Variants in ADGRB3 observed in about 807,000 individuals in gnomAD.
ADGRB3 encodes brain-specific angiogenesis inhibitor 3.
ADGRB3 carries 37 observed loss-of-function variants against 193.4 expected under a neutral mutation model. That is an observed-to-expected ratio of 0.19 (90% CI 0.15 to 0.25). The LOEUF is 0.25. ADGRB3 is among the 10% of genes least tolerant of loss of function. The pLI, the probability that ADGRB3 is intolerant of heterozygous loss-of-function variation, is 1.00. For synonymous variants in ADGRB3, 690 were observed against 644.2 expected (o/e 1.07, Z -1.08); for missense variants, 1,637 against 1,852.9 (o/e 0.88, Z 2.14).
At chr6:69,227,273 A>G (rs1334301218) in intron 17 of ADGRB3, among the ~76,000 whole-genome samples, 2 of 152,160 alleles carry the variant, frequency 1.3e-5, no homozygotes, top group Non-Finnish European at 2.9e-5. Context: ...GTGTTAGGAG[A>G]TGAATGTGGG....
chr6:68,881,544 C>T (rs975632333), intron 3 of ADGRB3, among the ~76,000 whole-genome samples: 3 of 152,102 alleles, frequency 2.0e-5, no homozygotes, highest in African/African-American at 7.2e-5. Flanking sequence ...TGTAGTTTTG[C>T]ATTTAGTAAG....
At chr6:69,007,666 A>ATC (rs754438943) in intron 11 of ADGRB3, among the ~76,000 whole-genome samples, 5,914 of 140,380 alleles carry the variant, frequency 0.042, 149 homozygotes, top group African/African-American at 0.073. Flanking sequence ...ATCTAAAGTA[A>ATC]TCTCTCTCTC....
intron 3 of ADGRB3, among the ~76,000 whole-genome samples, chr6:68,699,542 CA>C (rs1324658383): frequency 6.6e-6 from 1 of 151,900 alleles, no homozygotes; most frequent in Non-Finnish European, 1.5e-5. Flanking sequence ...TGATTGATTA[CA>C]TTTATTTCTA....
chr6:69,184,157 G>C (rs114166975), intron 17 of ADGRB3, among the ~76,000 whole-genome samples: 338 of 152,088 alleles, frequency 2.2e-3, no homozygotes, highest in African/African-American at 7.7e-3. Flanking sequence ...CCTTCATCTC[G>C]TCATAGCTGT....
chr6:69,101,835 A>G lies in ADGRB3; in HGVS notation c.2480+25797A>G, dbSNP rs552852271. 2.0e-5 allele frequency among the ~76,000 whole-genome samples: 3 copies of G among 152,226 alleles called. No individual in the cohort carries two copies. In the South Asian group the frequency reaches 6.2e-4, roughly 32 times the overall value. The stretch of plus-strand genomic sequence containing the variant: ...CCAATACCACTAAGCTGGTAAGGGT[A>G]GAATAGGATTTGAACTCAAACAGTC... On this transcript the variant is annotated intron_variant, in intron 17 of 31. Coordinates refer to ENST00000370598, the MANE Select transcript of ADGRB3 (RefSeq NM_001704.3).
chr6:68,760,218 A>G (rs571068715), intron 3 of ADGRB3, among the ~76,000 whole-genome samples: 2 of 152,288 alleles, frequency 1.3e-5, no homozygotes, highest in African/African-American at 4.8e-5. Flanking sequence ...GGAGGTAAAC[A>G]TTTAGAATGT....
rs1032567228 is a variant in ADGRB3, at chr6:69,112,775, T to C, written c.2480+36737T>C. ...TAATCCAGAGATAATTTTTTTTTTT[T>C]GAGATGGAGTCTTGCATCATTGCCC... On this transcript the variant is annotated intron_variant, in intron 17 of 31. Coordinates refer to ENST00000370598, the MANE Select transcript of ADGRB3 (RefSeq NM_001704.3). 6.6e-5 allele frequency among the ~76,000 whole-genome samples: 10 copies of C among 150,630 alleles called. No individual in the cohort carries two copies. In the East Asian group the frequency reaches 1.8e-3, roughly 28 times the overall value.
intron 16 of ADGRB3, among the ~76,000 whole-genome samples, chr6:69,066,093 C>T (rs995553307): frequency 3.3e-5 from 5 of 151,454 alleles, no homozygotes; most frequent in African/African-American, 1.2e-4. Context: ...GTTCTGGAAC[C>T]AACCCCCTGT....
intron 17 of ADGRB3, among the ~76,000 whole-genome samples, chr6:69,185,536 AT>A (rs1489423111): frequency 6.6e-6 from 1 of 152,148 alleles, no homozygotes; most frequent in African/African-American, 2.4e-5. Context: ...TTCTGTTTTC[AT>A]TTTATCTACC....
At chr6:69,259,738 G>C (rs1048984634) in intron 20 of ADGRB3, among the ~76,000 whole-genome samples, 1 of 149,610 alleles carries the variant, frequency 6.7e-6, no homozygotes, top group African/African-American at 2.5e-5. Flanking sequence ...GAAAATGTTT[G>C]TGGTTTTTCC....
rs996759152 is a variant in ADGRB3, at chr6:68,782,307, A to C, written c.757+142875A>C. Among the ~76,000 whole-genome samples the C allele has an allele frequency of 9.9e-5, 15 of 151,730 alleles. No individual in the cohort carries two copies. In the East Asian group the frequency reaches 2.1e-3, roughly 22 times the overall value. The stretch of plus-strand genomic sequence containing the variant: ...TCCCTACAAAGGACATGAACTCATC[A>C]TTTTTTATGGCTGCATAGTATTCCA... On this transcript the variant is annotated intron_variant, in intron 3 of 31. Transcript: ENST00000370598.
At chr6:68,711,998 T>A (rs1765416013) in intron 3 of ADGRB3, among the ~76,000 whole-genome samples, 1 of 152,064 alleles carries the variant, frequency 6.6e-6, no homozygotes, top group Non-Finnish European at 1.5e-5. Context: ...ATCTTAAGGA[T>A]TCTGTCTGTT....
chr6:69,355,598 T>C (rs987383873), intron 27 of ADGRB3, among the ~76,000 whole-genome samples: 4 of 152,208 alleles, frequency 2.6e-5, no homozygotes, highest in African/African-American at 9.6e-5. Flanking sequence ...TATTATCTTA[T>C]TAAAATTGTG....
chr6:69,367,828 A>C lies in ADGRB3; in HGVS notation c.4240-4578A>C, dbSNP rs58608981. 3.3e-3 allele frequency among the ~76,000 whole-genome samples: 507 copies of C among 152,162 alleles called. 2 individuals are homozygous for C. The highest frequency in any genetic ancestry group is 0.011 in the African/African-American group (475 of 41,532). On this transcript the variant is annotated intron_variant, in intron 29 of 31. Coordinates refer to ENST00000370598, the MANE Select transcript of ADGRB3 (RefSeq NM_001704.3). ...TACTATGAGGCCATAAAAAATGATG[A>C]ATTCATGTCCTTTGTAGGGACATGG...
chr6:69,335,556 T>C (rs755341514), intron 24 of ADGRB3, among the ~76,000 whole-genome samples: 14 of 152,140 alleles, frequency 9.2e-5, no homozygotes, highest in Non-Finnish European at 1.9e-4. Flanking sequence ...CAAATATAGA[T>C]TGAAATTTGT....
chr6:69,146,952 G>T (rs550106548), intron 17 of ADGRB3, among the ~76,000 whole-genome samples: 1 of 150,186 alleles, frequency 6.7e-6, no homozygotes, highest in Non-Finnish European at 1.5e-5. Context: ...TATAGTTGCC[G>T]ACAGTAGCCT....
At chr6:69,060,220 T>TTCTC (rs556453350) in intron 15 of ADGRB3, among the ~76,000 whole-genome samples, 2,982 of 129,564 alleles carry the variant, frequency 0.023, 46 homozygotes, top group Middle Eastern at 0.03. Flanking sequence ...CTCTCTCTCT[T>TTCTC]TCTCTCTCTC....
chr6:69,374,161 G>A (rs1769764502), intron 30 of ADGRB3, among the ~76,000 whole-genome samples: 1 of 151,994 alleles, frequency 6.6e-6, no homozygotes, highest in Admixed American at 6.6e-5. Context: ...GGGGCAGGTG[G>A]GAACTTTGAG....
intron 20 of ADGRB3, among the ~76,000 whole-genome samples, chr6:69,309,533 C>T (rs1768137307): frequency 6.6e-6 from 1 of 151,586 alleles, no homozygotes; most frequent in South Asian, 2.1e-4. Context: ...GAAATATACA[C>T]TTAGTATATT....
Sources: gnomAD v4.1 joint callset for allele counts (sites outside exome capture counted in the v4.1 genomes callset) on GRCh38, gnomAD v4.1.1 for gene constraint, MANE v1.5 for transcripts, NCBI Gene and HGNC (gene_info 2026-07-23, HGNC 2026-07-21) for gene names.